Variants in AFF2 observed in about 807,000 individuals in gnomAD.
AFF2 encodes the protein AF4/FMR2 family member 2.
In AFF2, 14 loss-of-function variants were observed where a neutral mutation model predicts 76.9. That is an observed-to-expected ratio of 0.18 (90% CI 0.12 to 0.28). The LOEUF (loss-of-function observed/expected upper bound fraction) is 0.28, where lower values mean the gene tolerates loss of function less well. Ranked by LOEUF, AFF2 falls within the 10% of genes least tolerant of loss-of-function variation. The pLI, the probability that AFF2 is intolerant of heterozygous loss-of-function variation, is 1.00. For missense variants in AFF2, 868 were observed against 1,001.1 expected, an observed-to-expected ratio of 0.87 and a Z score of 1.79; for synonymous variants, 398 against 366.7, an observed-to-expected ratio of 1.09 and a Z score of -0.98.
intron 1 of AFF2, among the ~76,000 whole-genome samples, chrX:148,581,380 A>G (rs1319039496): frequency 7.3e-4 from 2 of 2,729 alleles, no homozygotes; most frequent in African/African-American, 1.6e-3. Flanking sequence ...GTGTACACAC[A>G]TATACACGTA....
At chrX:148,553,879 C>T (rs942900604) in intron 1 of AFF2, among the ~76,000 whole-genome samples, 7 of 112,087 alleles carry the variant, frequency 6.2e-5, no homozygotes, top group East Asian at 5.6e-4. Context: ...GAAGACACTT[C>T]CAGACACCTT....
At chrX:148,894,047 C>T (rs1202040270) in intron 8 of AFF2, among the ~76,000 whole-genome samples, 4 of 111,444 alleles carry the variant, frequency 3.6e-5, no homozygotes, top group African/African-American at 1.3e-4. Flanking sequence ...CTGGAGTCAT[C>T]CATAAGTAAG....
At chrX:148,609,868 G>T (rs1603257069) in intron 1 of AFF2, among the ~76,000 whole-genome samples, 1 of 111,546 alleles carries the variant, frequency 9.0e-6, no homozygotes, top group Non-Finnish European at 1.9e-5. Flanking sequence ...CCTTGGCAAG[G>T]CAGTTGAAAG....
intron 3 of AFF2, among the ~76,000 whole-genome samples, chrX:148,734,479 C>T (rs2055262911): frequency 9.0e-6 from 1 of 111,352 alleles, no homozygotes; most frequent in South Asian, 3.8e-4. Context: ...AGCCAGGATA[C>T]CATCCCAAGT....
chrX:148,656,222 C>A (rs1470931448), intron 2 of AFF2, among the ~76,000 whole-genome samples: 4 of 111,769 alleles, frequency 3.6e-5, no homozygotes, highest in Admixed American at 9.4e-5. Context: ...GCTTTTGTAG[C>A]ATATGATTTT....
At chrX:148,661,182 C>A (rs929682121) in intron 2 of AFF2, among the ~76,000 whole-genome samples, 1 of 112,441 alleles carries the variant, frequency 8.9e-6, no homozygotes, top group Non-Finnish European at 1.9e-5. Context: ...TTTCCTTAAT[C>A]ATTGAAAAGA....
chrX:148,662,239 C>A lies in AFF2; in HGVS notation c.512C>A (p.Ala171Glu). Residue 171 changes from alanine to glutamate, a missense_variant, in exon 3 of 21, where the codon GCA becomes GAA. This residue lies in a region of AFF2 where 196 missense variants were observed against 194.8 expected (regional missense o/e 1.01). Transcript: ENST00000370460. ...RDSHNPSTVL[A>E]SQASGQPNKM... ...AGTCATAACCCTAGCACTGTACTGG[C>A]AAGCCAGGCCAGTGGTCAGCCAAAC... 1.7e-6 allele frequency: 2 copies of A among 1,211,562 alleles called. No homozygotes were observed.
intron 1 of AFF2, among the ~76,000 whole-genome samples, chrX:148,508,305 A>G (rs941414774): frequency 6.2e-5 from 7 of 112,145 alleles, no homozygotes; most frequent in African/African-American, 2.3e-4. Flanking sequence ...ATTTTCCTGG[A>G]GTCAGTTTTT....
chrX:148,665,675 A>C (rs782766498), intron 3 of AFF2, among the ~76,000 whole-genome samples: 1 of 111,749 alleles, frequency 8.9e-6, no homozygotes, highest in African/African-American at 3.2e-5. Flanking sequence ...AATGGAATTT[A>C]TGTGGCTAAA....
chrX:148,644,738 GT>G (rs2124448113), intron 1 of AFF2, among the ~76,000 whole-genome samples: 1 of 111,939 alleles, frequency 8.9e-6, no homozygotes, highest in South Asian at 3.7e-4. Flanking sequence ...ATCTCTTCAG[GT>G]TAAGTTTGTC....
intron 3 of AFF2, among the ~76,000 whole-genome samples, chrX:148,739,908 G>T (rs1314903563): frequency 9.0e-6 from 1 of 111,660 alleles, no homozygotes; most frequent in Non-Finnish European, 1.9e-5. Flanking sequence ...CATATATGAT[G>T]TGTACTTTCA....
intron 3 of AFF2, among the ~76,000 whole-genome samples, chrX:148,796,256 A>G (rs1303464569): frequency 9.1e-6 from 1 of 109,975 alleles, no homozygotes; most frequent in East Asian, 2.9e-4. Context: ...GAATTTGTGG[A>G]GTCTGTGAAG....
At position 148,973,451 on chromosome X, in the gene AFF2, G is replaced by A. The variant is rs781937857; in HGVS notation, c.3268-20G>A. The A allele has an allele frequency of 8.3e-7, 1 of 1,209,547 alleles. No individual in the cohort carries two copies. Among genetic ancestry groups the A allele is most frequent in the Non-Finnish European group, 1.1e-6 (1 of 894,048 alleles). ...AGAAAACAGAGAGTATTATCTTGAC[G>A]AGTCATCTTCCTGTTTCAGTTCGAG... On this transcript the variant is annotated intron_variant, in intron 15 of 20. Transcript: ENST00000370460.
intron 7 of AFF2, among the ~76,000 whole-genome samples, chrX:148,849,071 A>C (rs782191836): frequency 9.0e-6 from 1 of 111,510 alleles, no homozygotes; most frequent in East Asian, 2.8e-4. Flanking sequence ...ATATTGGCTA[A>C]TGTGACAACA....
intron 3 of AFF2, among the ~76,000 whole-genome samples, chrX:148,804,002 A>T (rs184251234): frequency 1.8e-5 from 2 of 111,579 alleles, no homozygotes; most frequent in East Asian, 5.7e-4. Flanking sequence ...CATTCATAAG[A>T]TGTCATGGGA....
At chrX:148,681,934 AAC>A (rs1475539493) in intron 3 of AFF2, among the ~76,000 whole-genome samples, 1 of 111,958 alleles carries the variant, frequency 8.9e-6, no homozygotes, top group Non-Finnish European at 1.9e-5. Flanking sequence ...GAAACACACA[AAC>A]ACACACATAC....
At chrX:148,965,903 G>A (rs2072166217) in intron 13 of AFF2, among the ~76,000 whole-genome samples, 1 of 111,720 alleles carries the variant, frequency 9.0e-6, no homozygotes, top group African/African-American at 3.3e-5. Flanking sequence ...AGGCACCATG[G>A]GAAGTATGGT....
intron 12 of AFF2, among the ~76,000 whole-genome samples, chrX:148,959,658 C>A (rs2072085352): frequency 8.9e-6 from 1 of 112,251 alleles, no homozygotes; most frequent in African/African-American, 3.2e-5. Context: ...CATCAGTATT[C>A]TCTGATATAA....
intron 3 of AFF2, among the ~76,000 whole-genome samples, chrX:148,775,862 C>CTAACT (rs1557268521): frequency 3.8e-5 from 4 of 105,600 alleles, no homozygotes; most frequent in Non-Finnish European, 3.9e-5. Context: ...AGATCCTTAA[C>CTAACT]TTTTTTTTTT....
Sources: gnomAD v4.1 joint callset for allele counts (sites outside exome capture counted in the v4.1 genomes callset) on GRCh38, gnomAD v4.1.1 for gene constraint, gnomAD v4.1.1 regional missense constraint, MANE v1.5 for transcripts, NCBI Gene and HGNC (gene_info 2026-07-23, HGNC 2026-07-21) for gene names.